Variants in PSMA1 observed in about 807,000 individuals in gnomAD.
The protein encoded by PSMA1 is proteasome subunit alpha type-1.
Under a neutral mutation model 38.4 loss-of-function variants are expected in PSMA1, and 3 were observed. The observed-to-expected ratio is 0.08, with a 90% confidence interval of 0.04 to 0.20. The LOEUF is 0.20. PSMA1 is among the 10% of genes least tolerant of loss of function. The pLI is 1.00. For missense variants in PSMA1, 227 were observed against 325.3 expected (o/e 0.70, Z 2.32); for synonymous variants, 101 against 107.1 (o/e 0.94, Z 0.35).
intron 2 of PSMA1, among the ~76,000 whole-genome samples, chr11:14,568,047 C>A (rs944565118): frequency 2.6e-5 from 4 of 152,186 alleles, no homozygotes; most frequent in African/African-American, 9.7e-5. Context: ...GAAAATGTGA[C>A]CAGAGGCTTG....
intron 1 of PSMA1, among the ~76,000 whole-genome samples, chr11:14,624,185 C>G (rs1852883964): frequency 6.6e-6 from 1 of 152,196 alleles, no homozygotes; most frequent in African/African-American, 2.4e-5. Flanking sequence ...AAAGGCACAG[C>G]TGAAACGTCA....
At chr11:14,637,009 C>T (rs1853120059) in intron 1 of PSMA1, among the ~76,000 whole-genome samples, 1 of 152,308 alleles carries the variant, frequency 6.6e-6, no homozygotes, top group South Asian at 2.1e-4. Context: ...TTTTGAAAAA[C>T]AATTAAATAC....
intron 2 of PSMA1, among the ~76,000 whole-genome samples, chr11:14,541,452 G>T (rs1248299638): frequency 6.6e-6 from 1 of 152,216 alleles, no homozygotes; most frequent in Non-Finnish European, 1.5e-5. Context: ...GCTCTGCTCT[G>T]GCCCAGGAAA....
intron 2 of PSMA1, among the ~76,000 whole-genome samples, chr11:14,548,129 C>G (rs185136805): frequency 1.2e-4 from 18 of 152,164 alleles, no homozygotes; most frequent in Middle Eastern, 6.8e-3. Context: ...GTTGTTAGCA[C>G]TTTATAGATA....
At chr11:14,526,922 A>C (rs1053585667) in intron 2 of PSMA1, among the ~76,000 whole-genome samples, 2 of 152,078 alleles carry the variant, frequency 1.3e-5, no homozygotes, top group Admixed American at 1.3e-4. Flanking sequence ...CCCCTCCACT[A>C]TCTCTCAGCA....
chr11:14,630,016 T>C (rs1428427579), intron 1 of PSMA1, among the ~76,000 whole-genome samples: 6 of 151,972 alleles, frequency 3.9e-5, no homozygotes, highest in African/African-American at 2.4e-5. Context: ...ATTGATTTTG[T>C]ATCCTGAGAC....
At chr11:14,618,853 A>G (rs1343516841) in intron 1 of PSMA1, among the ~76,000 whole-genome samples, 2 of 152,248 alleles carry the variant, frequency 1.3e-5, no homozygotes, top group Non-Finnish European at 2.9e-5. Context: ...TACAGTTTAT[A>G]AAGTATTTTT....
At chr11:14,624,788 G>A (rs1178618109) in intron 1 of PSMA1, among the ~76,000 whole-genome samples, 1 of 152,066 alleles carries the variant, frequency 6.6e-6, no homozygotes, top group African/African-American at 2.4e-5. Context: ...TACTCCTTTG[G>A]CCCACTGTAG....
chr11:14,576,128 T>G (rs549286714), intron 2 of PSMA1, among the ~76,000 whole-genome samples: 77 of 152,344 alleles, frequency 5.1e-4, no homozygotes, highest in African/African-American at 1.8e-3. Context: ...TCTTGTATAT[T>G]TGTTTTTTTC....
chr11:14,592,368 CTCTCTCTCTATA>C (rs1852429174), intron 2 of PSMA1, among the ~76,000 whole-genome samples: 1 of 110,462 alleles, frequency 9.1e-6, no homozygotes, highest in Non-Finnish European at 1.8e-5. Context: ...CTCTCTCTCT[CTCTCTCTCTATA>C]TATATATATA....
At chr11:14,562,831 C>T (rs887411678) in intron 2 of PSMA1, among the ~76,000 whole-genome samples, 2 of 152,038 alleles carry the variant, frequency 1.3e-5, no homozygotes, top group Non-Finnish European at 2.9e-5. Context: ...ACTGGCCTCC[C>T]AAAGTGCTGG....
chr11:14,624,996 C>T (rs935497686), intron 1 of PSMA1, among the ~76,000 whole-genome samples: 3 of 152,120 alleles, frequency 2.0e-5, no homozygotes, highest in Non-Finnish European at 2.9e-5. Flanking sequence ...AGTCTCAAGC[C>T]CAACTGCAGC....
chr11:14,585,452 A>G (rs760970175), intron 2 of PSMA1, among the ~76,000 whole-genome samples: 1 of 152,256 alleles, frequency 6.6e-6, no homozygotes. Flanking sequence ...AACATTGTGA[A>G]GGATGAGTCA....
At chr11:14,605,993 G>C (rs1304368587) in intron 2 of PSMA1, among the ~76,000 whole-genome samples, 1 of 152,094 alleles carries the variant, frequency 6.6e-6, no homozygotes, top group East Asian at 1.9e-4. Flanking sequence ...TTTTCTTCTA[G>C]AATTCTTCTA....
chr11:14,575,294 T>C (rs1852198118), intron 2 of PSMA1, among the ~76,000 whole-genome samples: 1 of 152,296 alleles, frequency 6.6e-6, no homozygotes, highest in South Asian at 2.1e-4. Flanking sequence ...AATTCTAGGG[T>C]ACATATGCAC....
At chr11:14,597,460 G>T (rs1454815520) in intron 2 of PSMA1, among the ~76,000 whole-genome samples, 2 of 152,046 alleles carry the variant, frequency 1.3e-5, no homozygotes, top group Admixed American at 6.5e-5. Flanking sequence ...ACTTCTTCCT[G>T]GTTTAGTCTT....
chr11:14,597,625 T>C (rs977236318), intron 2 of PSMA1, among the ~76,000 whole-genome samples: 2 of 152,218 alleles, frequency 1.3e-5, no homozygotes, highest in Non-Finnish European at 2.9e-5. Context: ...TCTATTTGAT[T>C]CTTCTCTTTT....
intron 2 of PSMA1, among the ~76,000 whole-genome samples, chr11:14,572,178 C>T (rs1004958754): frequency 3.3e-5 from 5 of 152,160 alleles, no homozygotes; most frequent in African/African-American, 7.2e-5. Flanking sequence ...TAGACATCTA[C>T]AGAACTCTCC....
chr11:14,520,149 C>A, intron 1 of PSMA1, 148 bp downstream of exon 1: 1 of 1,286,640 alleles, frequency 7.8e-7, no homozygotes, highest in South Asian at 1.3e-5. Context: ...GCCGGAGATG[C>A]TGAATCACTG....
Sources: allele counts gnomAD v4.1 joint callset (sites outside exome capture counted in the v4.1 genomes callset), GRCh38; gene constraint gnomAD v4.1.1; transcripts MANE v1.5; gene names NCBI Gene and HGNC (gene_info 2026-07-23, HGNC 2026-07-21).